Variants in TBC1D23 observed in about 807,000 individuals in gnomAD.
TBC1D23 encodes HCV non-structural protein 4A-transactivated protein 1.
Under a neutral mutation model 91.4 loss-of-function variants are expected in TBC1D23, and 55 were observed. The observed-to-expected ratio is 0.60, with a 90% CI of 0.48 to 0.75. The LOEUF (loss-of-function observed/expected upper bound fraction) is 0.75, where lower values mean the gene tolerates loss of function less well. Ranked by LOEUF, TBC1D23 falls within the 30% of genes least tolerant of loss-of-function variation. TBC1D23 has a pLI of 0.00. For missense variants in TBC1D23, 725 were observed against 836.1 expected (o/e 0.87, Z 1.64); for synonymous variants, 289 against 281.0 (o/e 1.03, Z -0.28).
rs541379043 is a variant in TBC1D23, at chr3:100,262,291, A to T, written c.53+1220A>T. ...AGAGGTTGGCGGTGGGGGCTGGGGC[A>T]GTTGGAGTCACTGGGGGAAAGCTTC... is the stretch of plus-strand genomic sequence containing the variant. On this transcript the variant is annotated intron_variant, in intron 1 of 18. Transcript: ENST00000394144. Among the ~76,000 whole-genome samples the T allele has an allele frequency of 2.0e-5, 3 of 152,302 alleles. No homozygotes were observed. The South Asian group carries it at 6.2e-4, about 32-fold the overall frequency.
intron 9 of TBC1D23, 78 bp downstream of exon 9, chr3:100,298,123 T>G: frequency 7.7e-7 from 1 of 1,297,862 alleles, no homozygotes; most frequent in Non-Finnish European, 1.1e-6. Context: ...TGTTCATTGA[T>G]TCCCACAAAA....
intron 5 of TBC1D23, 62 bp downstream of exon 5, chr3:100,290,763 TG>T: frequency 7.2e-7 from 1 of 1,388,056 alleles, no homozygotes; most frequent in Non-Finnish European, 9.7e-7. Context: ...TATAGTTAGG[TG>T]GGTTTTTTTT....
intron 1 of TBC1D23, chr3:100,261,280 G>T: frequency 1.7e-6 from 1 of 585,090 alleles, no homozygotes; most frequent in Non-Finnish European, 3.0e-6. Flanking sequence ...CCCAAGGAGA[G>T]GGGTGTCATC....
At chr3:100,282,532 T>C (rs2067703945) in intron 3 of TBC1D23, among the ~76,000 whole-genome samples, 1 of 152,224 alleles carries the variant, frequency 6.6e-6, no homozygotes, top group Non-Finnish European at 1.5e-5. Context: ...AAATTGTGAT[T>C]GAATAGGTTT....
chr3:100,261,372 G>C (rs1434633299), intron 1 of TBC1D23: 2 of 437,124 alleles, frequency 4.6e-6, no homozygotes, highest in Non-Finnish European at 8.3e-6. Flanking sequence ...TCAGGGCTGG[G>C]TTTGGCCGGA....
At position 100,319,384 on chromosome 3, in the gene TBC1D23, T is replaced by C. The variant is rs384528; in HGVS notation, c.1823+180T>C. On this transcript the variant is annotated intron_variant, in intron 17 of 18. Transcript: ENST00000394144. ...ATGTAATTTTTATTTTGAAAAATTT[T>C]ATACAAAAATGTTGAAGGAATAGTA... is the stretch of plus-strand genomic sequence containing the variant. Among the ~76,000 whole-genome samples, 24,919 of 152,158 alleles carry C rather than the reference T, an allele frequency of 0.16. 4,625 individuals are homozygous for C. Among genetic ancestry groups the C allele is most frequent in the African/African-American group, 0.44 (18,316 of 41,474 alleles).
At chr3:100,263,337 G>A (rs1315772471) in intron 1 of TBC1D23, among the ~76,000 whole-genome samples, 1 of 152,214 alleles carries the variant, frequency 6.6e-6, no homozygotes, top group Non-Finnish European at 1.5e-5. Context: ...CATCAGTTAA[G>A]GCGGGGCAGG....
At chr3:100,261,101 G>T (rs2067506372) in intron 1 of TBC1D23, 30 bp downstream of exon 1, 1 of 1,603,844 alleles carries the variant, frequency 6.2e-7, no homozygotes, top group African/African-American at 1.3e-5. Flanking sequence ...AATTTCCAAT[G>T]CCCCTTTATT....
intron 1 of TBC1D23, among the ~76,000 whole-genome samples, chr3:100,263,094 G>A (rs915703921): frequency 1.6e-4 from 25 of 152,184 alleles, no homozygotes; most frequent in Non-Finnish European, 3.1e-4. Flanking sequence ...GGCTGAGTCC[G>A]AAAAGAGAGT....
chr3:100,276,415 A>G (rs2067649411), intron 1 of TBC1D23, among the ~76,000 whole-genome samples: 1 of 152,154 alleles, frequency 6.6e-6, no homozygotes, highest in Non-Finnish European at 1.5e-5. Flanking sequence ...TGGTTTATTC[A>G]GAAAATTACA....
intron 15 of TBC1D23, chr3:100,315,811 C>A (rs531417248): frequency 3.1e-5 from 12 of 390,180 alleles, no homozygotes; most frequent in Middle Eastern, 7.6e-4. Context: ...CCAAACAGAT[C>A]TAAGCATTGG....
At chr3:100,294,986 G>A (rs2067825874) in intron 5 of TBC1D23, 101 bp from the exon 6 acceptor site, 1 of 1,186,542 alleles carries the variant, frequency 8.4e-7, no homozygotes, top group East Asian at 2.5e-5. Context: ...ATCAGGTGCA[G>A]ATAATTTGAT....
chr3:100,287,710 A>G (rs1278255145), intron 4 of TBC1D23, among the ~76,000 whole-genome samples: 2 of 152,210 alleles, frequency 1.3e-5, no homozygotes, highest in African/African-American at 4.8e-5. Context: ...AGAGTCATAC[A>G]AATCCTGACA....
At position 100,324,284 on chromosome 3, in the gene TBC1D23, AT is replaced by A. The variant is rs1180019625; in HGVS notation, c.*622del. 6.6e-6 allele frequency: 1 copy of A among 152,156 alleles called. No homozygotes were observed. Among genetic ancestry groups the A allele is most frequent in the Non-Finnish European group, 1.5e-5 (1 of 67,998 alleles). 9.4% of individuals were successfully genotyped at this position (152,156 alleles called of 1,614,324 possible). On this transcript the variant is annotated 3_prime_UTR_variant, in exon 19 of 19. Coordinates refer to ENST00000394144, the MANE Select transcript of TBC1D23 (RefSeq NM_001199198.3). ...TAAATCACCTTTGCTCCATTAGCTA[AT>A]TTTTTGGACACTAAATGCTTCAAAG...
intron 16 of TBC1D23, among the ~76,000 whole-genome samples, chr3:100,317,928 TTTTATATACA>T (rs60994762): frequency 0.12 from 18,634 of 151,890 alleles, 2,324 homozygotes; most frequent in East Asian, 0.36. Context: ...GTAGTCTACT[TTTTATATACA>T]TTTATATACA....
intron 1 of TBC1D23, among the ~76,000 whole-genome samples, chr3:100,277,180 A>G (rs1040700279): frequency 9.9e-5 from 15 of 152,232 alleles, no homozygotes; most frequent in Non-Finnish European, 1.5e-5. Context: ...TTTGGGAGCT[A>G]AATGCTATAG....
At chr3:100,281,666 T>C in intron 2 of TBC1D23, 76 bp from the exon 3 acceptor site, 1 of 920,478 alleles carries the variant, frequency 1.1e-6, no homozygotes, top group Admixed American at 1.9e-5. Flanking sequence ...AATTCAGGCC[T>C]TTAATTATTA....
rs1160332530 is a variant in TBC1D23, at chr3:100,320,814, A to T, written c.1861A>T (p.Arg621Trp). 3 of 1,609,792 alleles carry T rather than the reference A, an allele frequency of 1.9e-6. No homozygotes were observed. Among genetic ancestry groups the T allele is most frequent in the Admixed American group, 3.4e-5 (2 of 59,342 alleles). The change falls in exon 18 of 19, where the codon AGG (arginine) becomes TGG (tryptophan). Residue 621 changes from arginine to tryptophan, a missense_variant. Physicochemically the swap from Arg to Trp is moderately radical, Grantham distance 101 (BLOSUM62 -3). Transcript: ENST00000394144. The stretch of plus-strand genomic sequence containing the variant: ...TACTGCAACACATATGTACTGTTTA[A>T]GGGAGATTGTTTCACGGAAAGGATT... ...LVTATHMYCL[R>W]EIVSRKGLAY...
intron 15 of TBC1D23, among the ~76,000 whole-genome samples, chr3:100,314,154 A>AGT (rs1423402400): frequency 7.9e-6 from 1 of 127,370 alleles, no homozygotes; most frequent in African/African-American, 3.0e-5. Context: ...GCTGGAGTGC[A>AGT]GTGGCGCAAT....
Sources: allele counts gnomAD v4.1 joint callset (sites outside exome capture counted in the v4.1 genomes callset), GRCh38; gene constraint gnomAD v4.1.1; transcripts MANE v1.5; gene names NCBI Gene and HGNC (gene_info 2026-07-23, HGNC 2026-07-21).